The following DHX36 variants were observed in gnomAD, a reference collection of about 807,000 sequenced individuals.
DHX36 encodes ATP-dependent DNA/RNA helicase DHX36.
Under a neutral mutation model 139.0 loss-of-function variants are expected in DHX36, and 50 were observed. The observed-to-expected ratio is 0.36, with a 90% confidence interval of 0.29 to 0.46. DHX36 has a LOEUF of 0.46. Among genes scored for constraint, DHX36 ranks in the 20% least tolerant of loss-of-function variants. The pLI is 1.00. For synonymous variants in DHX36, 425 were observed against 401.9 expected (o/e 1.06, Z -0.69); for missense variants, 1,024 against 1,211.3 (o/e 0.85, Z 2.29).
intron 5 of DHX36, among the ~76,000 whole-genome samples, chr3:154,307,918 T>C (rs1712567595): frequency 6.6e-6 from 1 of 152,088 alleles, no homozygotes; most frequent in Non-Finnish European, 1.5e-5. Flanking sequence ...GGTGTATATA[T>C]ACACCACAAT....
Position 154,303,339 on chromosome 3 carries a change from C to A in DHX36, c.1207G>T (p.Glu403Ter). The change falls in exon 9 of 25, where the codon GAA becomes TAA. Residue 403 changes from glutamate (E) to a stop codon, truncating the protein, a stop_gained. Coordinates refer to ENST00000496811, the MANE Select transcript of DHX36 (RefSeq NM_020865.3). LOFTEE classifies it high-confidence loss of function. ...VVEYLLEDVI[E>*]KIRYVPEQKE... is the part of the protein sequence containing the mutation. ...CTAATGTTTACTTACCTTATTTTTTCAATTACATCTTCCAAAAGATATTCC... is the reference window on the plus strand; with the variant it reads ...CTAATGTTTACTTACCTTATTTTTTAAATTACATCTTCCAAAAGATATTCC... 1.3e-6 allele frequency: 2 copies of A among 1,593,970 alleles called. No individual in the cohort carries two copies. Among genetic ancestry groups the A allele is most frequent in the South Asian group, 1.2e-5 (1 of 86,920 alleles).
intron 17 of DHX36, 139 bp from the exon 18 acceptor site, chr3:154,285,126 T>C (rs2108336775): frequency 1.1e-6 from 1 of 875,536 alleles, no homozygotes; most frequent in Non-Finnish European, 1.7e-6. Context: ...CAGCTTTAGT[T>C]TTCCCTACCA....
chr3:154,308,903 T>C (rs1712618138), intron 5 of DHX36, among the ~76,000 whole-genome samples: 1 of 152,072 alleles, frequency 6.6e-6, no homozygotes, highest in African/African-American at 2.4e-5. Context: ...AATGACTGAC[T>C]ATGGCTGGAC....
intron 1 of DHX36, among the ~76,000 whole-genome samples, chr3:154,316,935 C>A (rs1713009092): frequency 6.6e-6 from 1 of 151,842 alleles, no homozygotes; most frequent in Non-Finnish European, 1.5e-5. Context: ...TTCTAACGTG[C>A]ATATAAATCC....
intron 2 of DHX36, 24 bp from the exon 3 acceptor site, chr3:154,315,304 A>G (rs780835032): frequency 5.1e-6 from 8 of 1,569,828 alleles, no homozygotes; most frequent in Non-Finnish European, 7.0e-6. Context: ...ATAAGAAAGG[A>G]AGAAAGGTCA....
At chr3:154,285,921 C>CT (rs956425850) in intron 17 of DHX36, among the ~76,000 whole-genome samples, 1 of 150,772 alleles carries the variant, frequency 6.6e-6, no homozygotes, top group Admixed American at 6.6e-5. Flanking sequence ...CTGAAGAAAA[C>CT]TAAATAAACT....
Position 154,288,917 on chromosome 3 carries a change from G to A in DHX36, c.1980C>T (p.Asp660=), listed in dbSNP as rs750874713. 6.3e-7 allele frequency: 1 copy of A among 1,590,750 alleles called. No individual in the cohort carries two copies. The highest frequency in any genetic ancestry group is 8.6e-7 in the Non-Finnish European group (1 of 1,167,512). The change falls in exon 17 of 25, where the codon GAC becomes GAT. Residue 660 remains aspartate, a synonymous_variant. Transcript: ENST00000496811. ...GIAYFLSRLM[D]PPSNEAVLLS... ...GTAACACTGCCTCATTTGATGGTGG[G>A]TCCATTAATCTACTCAGAAAATAAG...
chr3:154,322,257 T>G lies in DHX36; in HGVS notation c.243+1917A>C, dbSNP rs6810120. 4.2e-3 allele frequency among the ~76,000 whole-genome samples: 646 copies of G among 152,252 alleles called. 3 individuals are homozygous for G. The highest frequency in any genetic ancestry group is 0.014 in the Middle Eastern group (4 of 294). On this transcript the variant is annotated intron_variant, in intron 1 of 24. Transcript: ENST00000496811. ...GTATTACCAAGATTTCCAGAGAACA[T>G]GTCAAGATGCAACTGAAATATATCA...
chr3:154,284,285 A>G (rs1218437499), intron 19 of DHX36, among the ~76,000 whole-genome samples: 1 of 152,088 alleles, frequency 6.6e-6, no homozygotes, highest in Non-Finnish European at 1.5e-5. Flanking sequence ...AGTTCAAGCA[A>G]TTCTCCTGCC....
At chr3:154,288,660 GAAT>G (rs556511321) in intron 17 of DHX36, among the ~76,000 whole-genome samples, 126 of 152,172 alleles carry the variant, frequency 8.3e-4, no homozygotes, top group African/African-American at 2.7e-3. Flanking sequence ...AGTCTTTTAA[GAAT>G]TATTACGAAG....
chr3:154,309,204 A>C (rs1231692594), intron 5 of DHX36, among the ~76,000 whole-genome samples: 1 of 151,916 alleles, frequency 6.6e-6, no homozygotes. Flanking sequence ...TAAATAAATA[A>C]ATCACTGACT....
intron 9 of DHX36, 90 bp downstream of exon 9, chr3:154,303,239 C>T: frequency 1.1e-6 from 1 of 894,182 alleles, no homozygotes; most frequent in Non-Finnish European, 1.7e-6. Context: ...AGGAAATAGT[C>T]AATGATGGGT....
chr3:154,279,130 A>C (rs1719251870), intron 22 of DHX36: 4 of 152,280 alleles, frequency 2.6e-5, no homozygotes, highest in Admixed American at 2.6e-4. Flanking sequence ...GGTGTGAGCC[A>C]CTGTGCCTGG....
Position 154,295,337 on chromosome 3 carries a change from T to C in DHX36, c.1552A>G (p.Lys518Glu). ...LMSQVMFKSDKFLIIPLHSLM... is the reference protein window; with the variant it reads ...LMSQVMFKSDEFLIIPLHSLM... Reference sequence around the variant, plus strand: ...GAATGTAAAGGTATAATTAAAAATTTATCTGAAAATTAAAGAGAATTAAAT... The same window carrying C: ...GAATGTAAAGGTATAATTAAAAATTCATCTGAAAATTAAAGAGAATTAAAT... The change falls in exon 13 of 25, where the codon AAA becomes GAA. Residue 518 changes from lysine (K) to glutamate (E), a missense_variant and splice_region_variant. By Grantham distance (56) the Lys-to-Glu change is moderately conservative. Around this residue, in one of 4 missense-constraint regions of DHX36, gnomAD observed 470 missense variants for 616.2 expected, o/e 0.76. Transcript: ENST00000496811. The C allele has an allele frequency of 6.7e-7, 1 of 1,499,508 alleles. No homozygotes were observed. Among genetic ancestry groups the C allele is most frequent in the South Asian group, 1.3e-5 (1 of 79,896 alleles). The allele number at this position is 1,499,508 out of a possible 1,614,324, so 92.9% of individuals were successfully genotyped here.
chr3:154,321,161 T>C (rs1383539959), intron 1 of DHX36, among the ~76,000 whole-genome samples: 1 of 152,216 alleles, frequency 6.6e-6, no homozygotes, highest in Non-Finnish European at 1.5e-5. Context: ...TTTCATCTAG[T>C]TATACATATG....
rs757064717 is a variant in DHX36 at position 154,315,063 on chromosome 3, G to A, written c.586C>T (p.Arg196Trp). 139 of 1,602,366 alleles carry A rather than the reference G, an allele frequency of 8.7e-5. No homozygotes were observed. The highest frequency in any genetic ancestry group is 3.9e-4 in the Admixed American group (23 of 58,520). Residue 196 changes from arginine to tryptophan, a missense_variant, in exon 3 of 25, where the codon CGG becomes TGG. Transcript: ENST00000496811. The part of the protein sequence containing the change: ...EDLQKKKNDL[R>W]YIEMQHFREK... ...TCTACTACCTGCATTTCAATATACC[G>A]AAGGTCATTTTTTTTCTTTTGTAAA...
intron 20 of DHX36, 56 bp downstream of exon 20, chr3:154,283,132 G>A: frequency 7.7e-7 from 1 of 1,306,004 alleles, no homozygotes; most frequent in Non-Finnish European, 1.1e-6. Context: ...CAAAATGGAT[G>A]TATATATTCT....
At chr3:154,286,655 G>C (rs1014481492) in intron 17 of DHX36, among the ~76,000 whole-genome samples, 7 of 151,884 alleles carry the variant, frequency 4.6e-5, no homozygotes, top group Non-Finnish European at 2.9e-5. Flanking sequence ...AATAGATGAT[G>C]ATCTTTTTGC....
chr3:154,276,237 G>C lies in DHX36; in HGVS notation c.2961C>G (p.Ile987Met), dbSNP rs765913161. The C allele has an allele frequency of 6.2e-7, 1 of 1,613,524 alleles. No homozygotes were observed. The change falls in exon 25 of 25, where the codon ATC becomes ATG. Residue 987 changes from isoleucine to methionine, a missense_variant. Physicochemically the swap from Ile to Met is conservative, Grantham distance 10 (BLOSUM62 1). Coordinates refer to ENST00000496811, the MANE Select transcript of DHX36 (RefSeq NM_020865.3). ...TGGGAGTTGCCTTTTCCTGTGTTTT[G>C]ATCAAGTCTATAATAGCTGACAGTA... ...CAVLSAIIDL[I>M]KTQEKATPRN...
Sources: gnomAD v4.1 joint callset for allele counts (sites outside exome capture counted in the v4.1 genomes callset) on GRCh38, gnomAD v4.1.1 for gene constraint, gnomAD v4.1.1 regional missense constraint, MANE v1.5 for transcripts, NCBI Gene and HGNC (gene_info 2026-07-23, HGNC 2026-07-21) for gene names.